Variants in NTNG1 observed in about 807,000 individuals in gnomAD.
NTNG1 encodes the protein netrin-G1.
Under a neutral mutation model 54.0 loss-of-function variants are expected in NTNG1, and 16 were observed. The observed-to-expected ratio is 0.30, with a 90% CI of 0.20 to 0.45. The LOEUF (loss-of-function observed/expected upper bound fraction) is 0.45, where lower values mean the gene tolerates loss of function less well. Ranked by LOEUF, NTNG1 falls within the 20% of genes least tolerant of loss-of-function variation. The pLI is 1.00. For synonymous variants in NTNG1, 255 were observed against 263.1 expected (o/e 0.97, Z 0.30); for missense variants, 530 against 678.7 (o/e 0.78, Z 2.43).
In NTNG1 at chr1:107,197,412, C is replaced by T. The variant is rs367967391; in HGVS notation, c.246+48573C>T. On this transcript the variant is annotated intron_variant, in intron 2 of 7. Transcript: ENST00000370068. ...ATTTTGTTCTTTAGAAACTGTGTGG[C>T]AGATGAAGCAATTTTTCAACATTTA... 3.3e-5 allele frequency among the ~76,000 whole-genome samples: 5 copies of T among 151,938 alleles called. No homozygotes were observed. In the East Asian group the frequency reaches 9.7e-4, roughly 29 times the overall value.
intron 2 of NTNG1, among the ~76,000 whole-genome samples, chr1:107,246,993 G>A (rs890311256): frequency 2.6e-5 from 4 of 152,026 alleles, no homozygotes; most frequent in Non-Finnish European, 4.4e-5. Flanking sequence ...TATTGATGTG[G>A]CTGTCACCCT....
chr1:107,395,046 G>C (rs1287181656), intron 3 of NTNG1, 108 bp from the exon 4 acceptor site: 2 of 822,070 alleles, frequency 2.4e-6, no homozygotes, highest in Non-Finnish European at 4.0e-6. Context: ...AAATGCCTCT[G>C]TGTATCACTA....
At chr1:107,361,238 T>C (rs919270437) in intron 3 of NTNG1, among the ~76,000 whole-genome samples, 1 of 140,240 alleles carries the variant, frequency 7.1e-6, no homozygotes, top group African/African-American at 2.6e-5. Context: ...AATAAACATA[T>C]AAATTATTAT....
chr1:107,204,910 G>A (rs1223576431), intron 2 of NTNG1, among the ~76,000 whole-genome samples: 3 of 152,116 alleles, frequency 2.0e-5, no homozygotes, highest in Non-Finnish European at 2.9e-5. Context: ...GAGAGCAGGT[G>A]ATACGGGAGT....
chr1:107,375,638 A>G (rs1416598737), intron 3 of NTNG1, among the ~76,000 whole-genome samples: 2 of 152,196 alleles, frequency 1.3e-5, no homozygotes, highest in African/African-American at 4.8e-5. Flanking sequence ...AAGAATGTTG[A>G]CTTATCTTTT....
chr1:107,324,985 C>CT, intron 3 of NTNG1, 63 bp downstream of exon 3: 1 of 1,461,232 alleles, frequency 6.8e-7, no homozygotes, highest in Non-Finnish European at 9.3e-7. Flanking sequence ...GCCAGAGTGT[C>CT]TCACAGCTGT....
chr1:107,442,869 C>A (rs1676058189), intron 7 of NTNG1, among the ~76,000 whole-genome samples: 1 of 152,038 alleles, frequency 6.6e-6, no homozygotes, highest in Non-Finnish European at 1.5e-5. Context: ...AACAAGTAGA[C>A]ATGGTTCAGG....
At chr1:107,244,179 C>T (rs1662031560) in intron 2 of NTNG1, among the ~76,000 whole-genome samples, 1 of 152,100 alleles carries the variant, frequency 6.6e-6, no homozygotes, top group Admixed American at 6.5e-5. Flanking sequence ...TATATATTTG[C>T]TTTATATACA....
intron 3 of NTNG1, among the ~76,000 whole-genome samples, chr1:107,342,716 T>G (rs1038850091): frequency 6.6e-6 from 1 of 152,124 alleles, no homozygotes; most frequent in African/African-American, 2.4e-5. Flanking sequence ...AGTTCATCAC[T>G]AAAACACTCG....
At chr1:107,286,673 A>G (rs767994851) in intron 2 of NTNG1, among the ~76,000 whole-genome samples, 1 of 152,202 alleles carries the variant, frequency 6.6e-6, no homozygotes, top group Admixed American at 6.6e-5. Context: ...TTTGCAATTC[A>G]CAAAGTCACT....
chr1:107,302,902 G>A (rs1430305333), intron 2 of NTNG1, among the ~76,000 whole-genome samples: 4 of 152,066 alleles, frequency 2.6e-5, no homozygotes, highest in African/African-American at 9.7e-5. Flanking sequence ...GCCATCAGAT[G>A]CTAATAAATT....
chr1:107,324,208 T>C, intron 2 of NTNG1, 74 bp from the exon 3 acceptor site: 1 of 1,399,796 alleles, frequency 7.1e-7, no homozygotes, highest in Non-Finnish European at 9.9e-7. Flanking sequence ...AGCCTCTTAC[T>C]GAGCAACAGC....
intron 2 of NTNG1, among the ~76,000 whole-genome samples, chr1:107,177,333 C>T (rs1656717705): frequency 6.6e-6 from 1 of 151,492 alleles, no homozygotes. Context: ...GTCTAAGAAG[C>T]AACTTTTTTT....
chr1:107,197,777 C>A (rs1027185559), intron 2 of NTNG1, among the ~76,000 whole-genome samples: 5 of 151,934 alleles, frequency 3.3e-5, no homozygotes, highest in Admixed American at 3.3e-4. Flanking sequence ...TGGCACCTTG[C>A]CCAGGATCAT....
chr1:107,142,980 T>G (rs942791322), intron 1 of NTNG1: 2 of 152,194 alleles, frequency 1.3e-5, no homozygotes, highest in Non-Finnish European at 2.9e-5. Flanking sequence ...GATTTTTCAT[T>G]AAGATAAAAT....
At position 107,358,478 on chromosome 1, in the gene NTNG1, T is replaced by G. The variant is rs1003855877; in HGVS notation, c.887+33556T>G. ...TGGATGAGTCTGTCTAATGTAAACTTTTTCTTTACAATCAATTCATTTGTT... is the reference window on the plus strand; with the variant it reads ...TGGATGAGTCTGTCTAATGTAAACTGTTTCTTTACAATCAATTCATTTGTT... On this transcript the variant is annotated intron_variant, in intron 3 of 7. Transcript: ENST00000370068. 2.6e-5 allele frequency among the ~76,000 whole-genome samples: 4 copies of G among 152,208 alleles called. No individual in the cohort carries two copies. In the East Asian group the frequency reaches 7.7e-4, roughly 29 times the overall value.
At chr1:107,274,354 A>G (rs1480140555) in intron 2 of NTNG1, among the ~76,000 whole-genome samples, 1 of 152,256 alleles carries the variant, frequency 6.6e-6, no homozygotes, top group African/African-American at 2.4e-5. Flanking sequence ...TGGTGGAGTC[A>G]GTAGAACTTG....
intron 3 of NTNG1, among the ~76,000 whole-genome samples, chr1:107,346,647 A>G (rs1669257463): frequency 6.6e-6 from 1 of 152,212 alleles, no homozygotes; most frequent in Middle Eastern, 3.4e-3. Context: ...GCTAGTTTAA[A>G]AAGGAACTTT....
At chr1:107,302,717 C>G (rs1224827325) in intron 2 of NTNG1, among the ~76,000 whole-genome samples, 2 of 151,702 alleles carry the variant, frequency 1.3e-5, no homozygotes, top group African/African-American at 4.8e-5. Flanking sequence ...TGTTTTCTAC[C>G]TTTTTTATGA....
Sources: allele counts gnomAD v4.1 joint callset (sites outside exome capture counted in the v4.1 genomes callset), GRCh38; gene constraint gnomAD v4.1.1; transcripts MANE v1.5; gene names NCBI Gene and HGNC (gene_info 2026-07-23, HGNC 2026-07-21).